PTK7: variants seen among roughly 807,000 people sequenced by gnomAD.
The protein encoded by PTK7 is protein tyrosine kinase 7 (inactive).
Under a neutral mutation model 116.6 loss-of-function variants are expected in PTK7, and 39 were observed. That is an observed-to-expected ratio of 0.33 (90% CI 0.26 to 0.44). PTK7 has a LOEUF of 0.44. Ranked by LOEUF, PTK7 falls within the 20% of genes least tolerant of loss-of-function variation. PTK7 has a pLI of 1.00. For synonymous variants in PTK7, 546 were observed against 563.6 expected, an observed-to-expected ratio of 0.97 and a Z score of 0.44; for missense variants, 1,169 against 1,425.6, an observed-to-expected ratio of 0.82 and a Z score of 2.90.
chr6:43,134,802 T>C (rs1769930338), intron 7 of PTK7, among the ~76,000 whole-genome samples: 1 of 151,176 alleles, frequency 6.6e-6, no homozygotes, highest in Non-Finnish European at 1.5e-5. Flanking sequence ...AAAAAAAATT[T>C]AGCCAGGTAT....
intron 1 of PTK7, among the ~76,000 whole-genome samples, chr6:43,124,898 C>T (rs1309159443): frequency 6.6e-6 from 1 of 152,104 alleles, no homozygotes; most frequent in East Asian, 1.9e-4. Flanking sequence ...ATCTGCTGGG[C>T]GGGGTGGCTC....
chr6:43,135,748 C>T (rs1769995850), intron 7 of PTK7, among the ~76,000 whole-genome samples: 1 of 152,220 alleles, frequency 6.6e-6, no homozygotes, highest in South Asian at 2.1e-4. Flanking sequence ...ATAGTAAGGA[C>T]TTTGGCTTCG....
chr6:43,110,302 C>G (rs2150401654), intron 1 of PTK7, among the ~76,000 whole-genome samples: 1 of 151,082 alleles, frequency 6.6e-6, no homozygotes, highest in East Asian at 2.0e-4. Flanking sequence ...GAGTATTTTC[C>G]TATATTTATT....
rs929767656 is a variant in PTK7 at position 43,139,350 on chromosome 6, C to T, written c.1499-56C>T. The stretch of plus-strand genomic sequence containing the variant: ...GGGGAGGGAGCAGCAGGCCTGGCCA[C>T]GGCCTCTCCAGCGGCCCCAATTCCT... On this transcript the variant is annotated intron_variant, in intron 9 of 19. Transcript: ENST00000230419. This position sits in a 1 kb window ranked among gnomAD's most constrained non-coding sequence, Gnocchi z 4.6. The T allele has an allele frequency of 7.3e-5, 118 of 1,613,822 alleles. No individual in the cohort carries two copies. Among genetic ancestry groups the T allele is most frequent in the African/African-American group, 3.2e-4 (24 of 74,928 alleles).
intron 1 of PTK7, among the ~76,000 whole-genome samples, chr6:43,079,828 G>A (rs1214107902): frequency 1.3e-5 from 2 of 151,606 alleles, no homozygotes; most frequent in African/African-American, 4.8e-5. Flanking sequence ...GGAGGCAGAG[G>A]GAGGAGGATC....
Position 43,161,053 on chromosome 6 carries a change from A to C in PTK7, c.*172A>C. On this transcript the variant is annotated 3_prime_UTR_variant, in exon 20 of 20. Coordinates refer to ENST00000230419, the MANE Select transcript of PTK7 (RefSeq NM_002821.5). ...GCCTTTCCTCCTCTTCCTCACCCTC[A>C]TCCTTTGGGAGGCTGACTTGGACCC... 3.1e-6 allele frequency: 3 copies of C among 969,200 alleles called. No homozygotes were observed. Among genetic ancestry groups the C allele is most frequent in the Non-Finnish European group, 4.4e-6 (3 of 683,184 alleles). 60.0% of individuals were successfully genotyped at this position (969,200 alleles called of 1,614,324 possible). A position where few individuals can be genotyped will look rare whatever the true frequency, so the allele number is the denominator to read the frequency against.
At chr6:43,128,144 C>T (rs1257703241) in intron 1 of PTK7, among the ~76,000 whole-genome samples, 1 of 152,166 alleles carries the variant, frequency 6.6e-6, no homozygotes. Context: ...TGAGTGAAGC[C>T]ATCTTTCCAG....
At chr6:43,151,931 G>A (rs1448791975) in intron 17 of PTK7, among the ~76,000 whole-genome samples, 1 of 144,142 alleles carries the variant, frequency 6.9e-6, no homozygotes, top group Non-Finnish European at 1.5e-5. Context: ...TGCAAGCTCC[G>A]CCTCCCGGGT....
chr6:43,154,468 A>G (rs1310112466), intron 17 of PTK7, among the ~76,000 whole-genome samples: 2 of 152,348 alleles, frequency 1.3e-5, no homozygotes, highest in Admixed American at 6.5e-5. Flanking sequence ...TCACAACCCA[A>G]TACACACATA....
At chr6:43,153,474 A>G (rs952390296) in intron 17 of PTK7, among the ~76,000 whole-genome samples, 20 of 151,870 alleles carry the variant, frequency 1.3e-4, no homozygotes, top group African/African-American at 4.4e-4. Flanking sequence ...CAGTGGTGCA[A>G]TCATGGCTCA....
intron 7 of PTK7, among the ~76,000 whole-genome samples, chr6:43,135,368 A>G (rs1582170992): frequency 6.6e-6 from 1 of 152,372 alleles, no homozygotes; most frequent in East Asian, 1.9e-4. Context: ...CTGTGAACAA[A>G]GCAGGCAGAA....
chr6:43,091,512 G>C (rs940127324), intron 1 of PTK7, among the ~76,000 whole-genome samples: 1 of 152,146 alleles, frequency 6.6e-6, no homozygotes, highest in Non-Finnish European at 1.5e-5. Flanking sequence ...AGTCTCGTTA[G>C]AGTTCTTGCA....
At position 43,076,893 on chromosome 6, in the gene PTK7, T is replaced by C; in HGVS notation, c.79+326T>C. 1 of 1,506,530 alleles carries C rather than the reference T, an allele frequency of 6.6e-7. No individual in the cohort carries two copies. Among genetic ancestry groups the C allele is most frequent in the Non-Finnish European group, 8.9e-7 (1 of 1,126,560 alleles). The allele number at this position is 1,506,530 out of a possible 1,614,324, so 93.3% of individuals were successfully genotyped here. The stretch of plus-strand genomic sequence containing the variant: ...TGGCTCTCGGGCCCAGATGGGGAGT[T>C]TCTTGTCGGGGGAGAAAAGACCATC... On this transcript the variant is annotated intron_variant, in intron 1 of 19. Transcript: ENST00000230419. The surrounding 1 kb of genome is among the most constrained non-coding windows in gnomAD (Gnocchi z 5.7).
chr6:43,153,172 A>G (rs1392385031), intron 17 of PTK7, among the ~76,000 whole-genome samples: 1 of 148,536 alleles, frequency 6.7e-6, no homozygotes, highest in African/African-American at 2.5e-5. Context: ...GTGCAGTGGC[A>G]TGATTTCGGC....
At chr6:43,136,537 G>C (rs1333112889) in intron 7 of PTK7, among the ~76,000 whole-genome samples, 1 of 152,174 alleles carries the variant, frequency 6.6e-6, no homozygotes, top group Admixed American at 6.5e-5. Flanking sequence ...GTTGACTGGG[G>C]CTATTGACCA....
chr6:43,152,399 G>A (rs1261214998), intron 17 of PTK7, among the ~76,000 whole-genome samples: 2 of 152,154 alleles, frequency 1.3e-5, no homozygotes, highest in South Asian at 2.1e-4. Context: ...GCGTGGTGGC[G>A]CATGCCTGTA....
In PTK7 at chr6:43,129,732, G is replaced by A. The variant is rs1004526943; in HGVS notation, c.373G>A (p.Glu125Lys). The A allele has an allele frequency of 6.2e-6, 10 of 1,614,036 alleles. No homozygotes were observed. The highest frequency in any genetic ancestry group is 7.6e-6 in the Non-Finnish European group (9 of 1,180,012). ...AACCGTGGCCTCTGCTACAGGGATTGAGGCAGGTCCTGTGGTCCTGAAGCA... is the reference window on the plus strand; with the variant it reads ...AACCGTGGCCTCTGCTACAGGGATTAAGGCAGGTCCTGTGGTCCTGAAGCA... ...ANASFNIKWI[E>K]AGPVVLKHPA... Residue 125 changes from glutamate (E) to lysine (K), a missense_variant, in exon 3 of 20, where the codon GAG becomes AAG. Around this residue, in one of 3 missense-constraint regions of PTK7, gnomAD observed 487 missense variants for 549.8 expected, o/e 0.89. Transcript: ENST00000230419. The surrounding 1 kb of genome is among the most constrained non-coding windows in gnomAD (Gnocchi z 4.5).
rs533904626 is a variant in PTK7, at chr6:43,149,741, A to G, written c.2721+3043A>G. Among the ~76,000 whole-genome samples the G allele has an allele frequency of 1.5e-4, 23 of 152,356 alleles. No homozygotes were observed. In the South Asian group the frequency reaches 3.7e-3, roughly 25 times the overall value. On this transcript the variant is annotated intron_variant, in intron 17 of 19. Transcript: ENST00000230419. Reference sequence around the variant, plus strand: ...CTCATGATCTGGTGTGCAGGCTCATATAACTAAAATTAAACTTTCACAATG... The same window carrying G: ...CTCATGATCTGGTGTGCAGGCTCATGTAACTAAAATTAAACTTTCACAATG...
Position 43,145,407 on chromosome 6 carries a change from A to G in PTK7, c.2615A>G (p.Tyr872Cys). ...CTGTGCCGGGAGGCTGAGCCCCACT[A>G]CATGGTGCTGGAATATGTGGATCTG... Reference protein sequence around the residue: ...LGLCREAEPHYMVLEYVDLGD... With the variant: ...LGLCREAEPHCMVLEYVDLGD... The change falls in exon 16 of 20, where the codon TAC becomes TGC. Residue 872 changes from tyrosine to cysteine, a missense_variant. This residue lies in a region of PTK7 where 678 missense variants were observed against 853.8 expected (regional missense o/e 0.79). Coordinates refer to ENST00000230419, the MANE Select transcript of PTK7 (RefSeq NM_002821.5). This position sits in a 1 kb window ranked among gnomAD's most constrained non-coding sequence, Gnocchi z 4.8. The G allele has an allele frequency of 3.7e-6, 6 of 1,603,602 alleles. No homozygotes were observed. Among genetic ancestry groups the G allele is most frequent in the Non-Finnish European group, 4.3e-6 (5 of 1,174,374 alleles).
Sources: allele counts gnomAD v4.1 joint callset (sites outside exome capture counted in the v4.1 genomes callset), GRCh38; gene constraint gnomAD v4.1.1; regional missense constraint gnomAD v4.1.1; non-coding constraint Gnocchi (gnomAD v3.1); transcripts MANE v1.5; gene names NCBI Gene and HGNC (gene_info 2026-07-23, HGNC 2026-07-21).